Variants in FGF12 observed in about 807,000 individuals in gnomAD.
The protein encoded by FGF12 is fibroblast growth factor 12, also known as fibroblast growth factor 12B.
FGF12 carries 14 observed loss-of-function variants against 23.6 expected under a neutral mutation model. The observed-to-expected ratio is 0.59, with a 90% CI of 0.39 to 0.93. FGF12 has a LOEUF of 0.93. Among genes scored for constraint, FGF12 ranks in the 40% least tolerant of loss-of-function variants. The probability of loss-of-function intolerance (pLI) is 0.00; values close to 1 mark genes in which losing one functional copy is unlikely to be tolerated. For missense variants in FGF12, 175 were observed against 217.8 expected (o/e 0.80, Z 1.24); for synonymous variants, 62 against 77.3 (o/e 0.80, Z 1.04).
chr3:192,428,977 T>C (rs931549423), intron 2 of FGF12, among the ~76,000 whole-genome samples: 9 of 152,072 alleles, frequency 5.9e-5, no homozygotes, highest in Admixed American at 5.9e-4. Flanking sequence ...GACCCATGGA[T>C]CACTTTTAAA....
In FGF12 at chr3:192,424,031, C is replaced by T. The variant is rs1390316619; in HGVS notation, c.14-63493G>A. Among the ~76,000 whole-genome samples the T allele has an allele frequency of 1.1e-4, 17 of 152,112 alleles. 1 individual carries two copies. The South Asian group carries it at 3.5e-3, about 32-fold the overall frequency. Reference sequence around the variant, plus strand: ...TATTTTCTTCTTCGGACCTTTTCTTCACCCCGCCCTCTTTAAATTTGTTTC... The same window carrying T: ...TATTTTCTTCTTCGGACCTTTTCTTTACCCCGCCCTCTTTAAATTTGTTTC... On this transcript the variant is annotated intron_variant, in intron 2 of 5. Coordinates refer to ENST00000445105, the MANE Select transcript of FGF12 (RefSeq NM_004113.6).
At chr3:192,181,528 A>T (rs966228730) in intron 4 of FGF12, among the ~76,000 whole-genome samples, 5 of 152,166 alleles carry the variant, frequency 3.3e-5, no homozygotes, top group Admixed American at 1.3e-4. Context: ...CAATATCACA[A>T]AACATGGATG....
chr3:192,312,691 G>A (rs904954370), intron 4 of FGF12, among the ~76,000 whole-genome samples: 1 of 150,584 alleles, frequency 6.6e-6, no homozygotes, highest in African/African-American at 2.4e-5. Context: ...AGCTTGCCGT[G>A]AGCCGAGATC....
chr3:192,271,263 G>T (rs1408747031), intron 4 of FGF12, among the ~76,000 whole-genome samples: 1 of 152,154 alleles, frequency 6.6e-6, no homozygotes, highest in East Asian at 1.9e-4. Context: ...GAATTCAGAG[G>T]TTCAAGCACT....
At chr3:192,189,982 A>T (rs1260752042) in intron 4 of FGF12, among the ~76,000 whole-genome samples, 1 of 152,184 alleles carries the variant, frequency 6.6e-6, no homozygotes, top group African/African-American at 2.4e-5. Context: ...TGAAACATAG[A>T]AGGTCAAGGT....
chr3:192,610,657 A>G (rs928575845), intron 2 of FGF12, among the ~76,000 whole-genome samples: 4 of 152,032 alleles, frequency 2.6e-5, no homozygotes, highest in Admixed American at 6.6e-5. Flanking sequence ...AAAAGCCTCA[A>G]TGACTTTCCA....
chr3:192,581,407 AAT>A (rs904283629), intron 2 of FGF12, among the ~76,000 whole-genome samples: 19 of 149,804 alleles, frequency 1.3e-4, no homozygotes, highest in African/African-American at 4.7e-4. Context: ...ACCTCTCTAA[AAT>A]ATATATATAT....
intron 4 of FGF12, among the ~76,000 whole-genome samples, chr3:192,256,785 CAGAT>C (rs542684555): frequency 3.7e-4 from 56 of 152,264 alleles, no homozygotes; most frequent in African/African-American, 1.3e-3. Flanking sequence ...ATTAAACACA[CAGAT>C]AGCAGAATAG....
At chr3:192,258,324 A>G (rs991447754) in intron 4 of FGF12, among the ~76,000 whole-genome samples, 1 of 151,810 alleles carries the variant, frequency 6.6e-6, no homozygotes, top group African/African-American at 2.4e-5. Context: ...CAGGCGTGGT[A>G]GTGCACGTGT....
chr3:192,319,334 C>T (rs1716405860), intron 4 of FGF12, among the ~76,000 whole-genome samples: 2 of 152,122 alleles, frequency 1.3e-5, no homozygotes, highest in African/African-American at 4.8e-5. Flanking sequence ...CAGTGGCTCA[C>T]GTCTGTAATC....
chr3:192,542,436 A>G (rs1442218427), intron 2 of FGF12, among the ~76,000 whole-genome samples: 1 of 152,142 alleles, frequency 6.6e-6, no homozygotes, highest in Non-Finnish European at 1.5e-5. Context: ...GAGTCCTCAA[A>G]ACAGCTATTT....
intron 4 of FGF12, among the ~76,000 whole-genome samples, chr3:192,205,848 T>C (rs1717621060): frequency 1.3e-5 from 2 of 152,150 alleles, no homozygotes; most frequent in African/African-American, 4.8e-5. Context: ...TTTACATCCC[T>C]GCAGGGACAC....
chr3:192,234,424 A>G (rs897696925), intron 4 of FGF12, among the ~76,000 whole-genome samples: 4 of 152,172 alleles, frequency 2.6e-5, no homozygotes, highest in African/African-American at 9.7e-5. Context: ...TGTCAGTTCT[A>G]TGAGCTTTTG....
At chr3:192,206,641 C>A (rs1327844912) in intron 4 of FGF12, among the ~76,000 whole-genome samples, 1 of 151,990 alleles carries the variant, frequency 6.6e-6, no homozygotes, top group African/African-American at 2.4e-5. Context: ...GAAACAAAAC[C>A]CACTCATATT....
intron 2 of FGF12, among the ~76,000 whole-genome samples, chr3:192,611,915 T>C (rs997972350): frequency 6.6e-6 from 1 of 152,024 alleles, no homozygotes; most frequent in Non-Finnish European, 1.5e-5. Context: ...CTCCATTTCA[T>C]GGAGATTCAG....
At chr3:192,452,232 G>C (rs1217611030) in intron 2 of FGF12, among the ~76,000 whole-genome samples, 1 of 152,046 alleles carries the variant, frequency 6.6e-6, no homozygotes. Context: ...TTTGTTAAAT[G>C]TTTTTATTCT....
chr3:192,660,051 A>G (rs1716593117), intron 2 of FGF12, among the ~76,000 whole-genome samples: 1 of 152,004 alleles, frequency 6.6e-6, no homozygotes, highest in East Asian at 1.9e-4. Context: ...CTATAAAGAC[A>G]CACACACACG....
At chr3:192,388,697 A>T in intron 2 of FGF12, among the ~76,000 whole-genome samples, 1 of 152,304 alleles carries the variant, frequency 6.6e-6, no homozygotes, top group Non-Finnish European at 1.5e-5. Context: ...AATTAAAGTC[A>T]TCATAAATTA....
intron 4 of FGF12, among the ~76,000 whole-genome samples, chr3:192,296,993 C>T (rs1034064948): frequency 2.0e-5 from 3 of 152,054 alleles, no homozygotes; most frequent in South Asian, 2.1e-4. Flanking sequence ...AAATGAGAAC[C>T]GAAATTCTTC....
Sources: gnomAD v4.1 joint callset for allele counts (sites outside exome capture counted in the v4.1 genomes callset) on GRCh38, gnomAD v4.1.1 for gene constraint, MANE v1.5 for transcripts, NCBI Gene and HGNC (gene_info 2026-07-23, HGNC 2026-07-21) for gene names.